The following DACT2 variants were observed in gnomAD, a reference collection of about 807,000 sequenced individuals.
DACT2 encodes dapper homolog 2.
In DACT2, 20 loss-of-function variants were observed where a neutral mutation model predicts 22.2. The ratio of observed to expected loss-of-function variants is 0.90; its 90% CI spans 0.63 to 1.31. The LOEUF (loss-of-function observed/expected upper bound fraction) is 1.31. Ranked by LOEUF, DACT2 falls within the 50% of genes most tolerant of loss-of-function variation. DACT2 has a pLI of 0.00. For synonymous variants in DACT2, 463 were observed against 479.8 expected (o/e 0.96, Z 0.46); for missense variants, 1,048 against 1,061.4 (o/e 0.99, Z 0.18).
intron 1 of DACT2, among the ~76,000 whole-genome samples, chr6:168,311,596 A>ACAC (rs776316251): frequency 0.17 from 21,649 of 129,882 alleles, 2,708 homozygotes; most frequent in East Asian, 0.54. Flanking sequence ...ACACACACAC[A>ACAC]TACACACACA....
intron 3 of DACT2, among the ~76,000 whole-genome samples, chr6:168,301,595 C>T (rs1471563378): frequency 6.6e-6 from 1 of 152,186 alleles, no homozygotes; most frequent in East Asian, 1.9e-4. Flanking sequence ...TCCCTGCTTC[C>T]ACTCGGGACC....
chr6:168,306,915 A>G lies in DACT2; in HGVS notation c.*517T>C, dbSNP rs1032603901. On this transcript the variant is annotated 3_prime_UTR_variant, in exon 4 of 4. Coordinates refer to ENST00000366795, the MANE Select transcript of DACT2 (RefSeq NM_214462.5). ...CAGGGAGGAAGAGGTTAAAAGAGGG[A>G]AAAAAAATGTTCCTTTTATTTGAGA... 3.7e-5 allele frequency: 37 copies of G among 989,612 alleles called. No individual in the cohort carries two copies. Among genetic ancestry groups the G allele is most frequent in the Admixed American group, 1.1e-4 (2 of 17,518 alleles). 61.3% of individuals were successfully genotyped at this position (989,612 alleles called of 1,614,324 possible).
chr6:168,295,599 G>T (rs1778994553), intron 3 of DACT2, among the ~76,000 whole-genome samples: 1 of 152,128 alleles, frequency 6.6e-6, no homozygotes, highest in Non-Finnish European at 1.5e-5. Context: ...ATTTACTGAG[G>T]TGCATAGAAT....
At chr6:168,295,224 T>C (rs2114891102) in intron 3 of DACT2, among the ~76,000 whole-genome samples, 1 of 152,370 alleles carries the variant, frequency 6.6e-6, no homozygotes, top group East Asian at 1.9e-4. Flanking sequence ...GGTAGCCCAC[T>C]TTTCCGCAGA....
exon 6 of DACT2, chr6:168,293,754 AC>A: frequency 1.0e-5 from 7 of 666,930 alleles, no homozygotes; most frequent in Admixed American, 2.1e-5. Context: ...CCACTGGCTC[AC>A]TGTGGGGAAA....
downstream of DACT2, among the ~76,000 whole-genome samples, chr6:168,305,787 C>T (rs1779193544): frequency 6.6e-6 from 1 of 152,186 alleles, no homozygotes; most frequent in Non-Finnish European, 1.5e-5. Context: ...TTTACAATAA[C>T]ACCCCCATCC....
intron 3 of DACT2, among the ~76,000 whole-genome samples, chr6:168,296,323 G>A (rs1427051154): frequency 1.3e-5 from 2 of 148,466 alleles, no homozygotes; most frequent in African/African-American, 5.0e-5. Flanking sequence ...CATCCACAGT[G>A]GTGAGAAGAT....
In DACT2 at chr6:168,310,429, C is replaced by G; in HGVS notation, c.397G>C (p.Asp133His). ...RPSSGFYEMS[D>H]GGSCSLSTSC... ...GTGGACAGGGAGCAGGATCCACCGT[C>G]GCTCATCTCGTAAAAGCCTGGACGG... is the stretch of plus-strand genomic sequence containing the variant. Residue 133 changes from aspartate (D) to histidine (H), a missense_variant, in exon 3 of 4, where the codon GAC becomes CAC. Coordinates refer to ENST00000366795, the MANE Select transcript of DACT2 (RefSeq NM_214462.5). 6.5e-7 allele frequency: 1 copy of G among 1,550,356 alleles called. No homozygotes were observed. The highest frequency in any genetic ancestry group is 1.2e-5 in the South Asian group (1 of 83,842).
At position 168,310,570 on chromosome 6, in the gene DACT2, G is replaced by T. The variant is rs1779371966; in HGVS notation, c.380-124C>A. The T allele has an allele frequency of 3.1e-6, 4 of 1,309,160 alleles. No homozygotes were observed. In the African/African-American group the frequency reaches 4.5e-5, roughly 15 times the overall value. 81.1% of individuals were successfully genotyped at this position (1,309,160 alleles called of 1,614,324 possible). Reference sequence around the variant, plus strand: ...AACCCCTGAGCTGAGGCTACCGGAGGCTGTGTGCCATCGTCCACACGGCCG... The same window carrying T: ...AACCCCTGAGCTGAGGCTACCGGAGTCTGTGTGCCATCGTCCACACGGCCG... On this transcript the variant is annotated intron_variant, in intron 2 of 3. Coordinates refer to ENST00000366795, the MANE Select transcript of DACT2 (RefSeq NM_214462.5).
intron 1 of DACT2, among the ~76,000 whole-genome samples, chr6:168,314,178 GT>G (rs765883863): frequency 5.3e-5 from 8 of 152,238 alleles, no homozygotes; most frequent in Non-Finnish European, 1.2e-4. Flanking sequence ...CTCCACGCAT[GT>G]CCATGATTGG....
rs566250292 is a variant in DACT2 at position 168,307,823 on chromosome 6, C to T, written c.1934G>A (p.Arg645Gln). ...VARRAGGPLARGRPSLVRQDA... is the reference protein window; with the variant it reads ...VARRAGGPLAQGRPSLVRQDA... ...CTGGCGGACCAGTGAGGGACGGCCCCGGGCCAGTGGGCCACCTGCTCTCCT... is the reference window on the plus strand; with the variant it reads ...CTGGCGGACCAGTGAGGGACGGCCCTGGGCCAGTGGGCCACCTGCTCTCCT... The change falls in exon 4 of 4, where the codon CGG becomes CAG. Residue 645 changes from arginine (R) to glutamine (Q), a missense_variant. Coordinates refer to ENST00000366795, the MANE Select transcript of DACT2 (RefSeq NM_214462.5). This position sits in a 1 kb window ranked among gnomAD's most constrained non-coding sequence, Gnocchi z 5.3. The T allele has an allele frequency of 2.3e-4, 349 of 1,538,962 alleles. No individual in the cohort carries two copies. The South Asian group carries it at 2.4e-3, about 10-fold the overall frequency.
In DACT2 at chr6:168,319,719, C is replaced by G; in HGVS notation, c.-86G>C. 8.5e-7 allele frequency: 1 copy of G among 1,183,288 alleles called. No homozygotes were observed. Among genetic ancestry groups the G allele is most frequent in the Admixed American group, 4.5e-5 (1 of 22,002 alleles). The allele number at this position is 1,183,288 out of a possible 1,614,324, so 73.3% of individuals were successfully genotyped here. A position where few individuals can be genotyped will look rare whatever the true frequency, so the allele number is the denominator to read the frequency against. ...CGGATCCCGAGCTGTGTCGCGGGTC[C>G]TCCTGCGCCTCCTCTCTCCGCCCCC... is the stretch of plus-strand genomic sequence containing the variant. On this transcript the variant is annotated 5_prime_UTR_variant, in exon 1 of 4. Coordinates refer to ENST00000366795, the MANE Select transcript of DACT2 (RefSeq NM_214462.5).
chr6:168,311,581 CA>C (rs1159620965), intron 1 of DACT2, among the ~76,000 whole-genome samples: 3 of 97,116 alleles, frequency 3.1e-5, no homozygotes, highest in African/African-American at 8.0e-5. Context: ...CACACACACC[CA>C]TCCACACACA....
rs1255378892 is a variant in DACT2 at position 168,308,878 on chromosome 6, C to G, written c.879G>C (p.Lys293Asn). 1.2e-5 allele frequency: 18 copies of G among 1,550,902 alleles called. No individual in the cohort carries two copies. The highest frequency in any genetic ancestry group is 1.6e-5 in the Non-Finnish European group (18 of 1,146,864). The change falls in exon 4 of 4, where the codon AAG (lysine) becomes AAC (asparagine). Residue 293 changes from lysine to asparagine, a missense_variant. Physicochemically the swap from Lys to Asn is moderately conservative, Grantham distance 94. Transcript: ENST00000366795. ...AGGGGCCACCTCTCTGTGGGGTTTC[C>G]TTAGTCAGGACAAACAGGGGGCTCT... ...ALQSPLFVLT[K>N]ETPQRGGPSF...
chr6:168,319,712 G>C lies in DACT2; in HGVS notation c.-79C>G. Reference sequence around the variant, plus strand: ...GCGCGCGCGGATCCCGAGCTGTGTCGCGGGTCCTCCTGCGCCTCCTCTCTC... The same window carrying C: ...GCGCGCGCGGATCCCGAGCTGTGTCCCGGGTCCTCCTGCGCCTCCTCTCTC... On this transcript the variant is annotated 5_prime_UTR_variant, in exon 1 of 4. Transcript: ENST00000366795. The C allele has an allele frequency of 3.4e-6, 4 of 1,185,808 alleles. No individual in the cohort carries two copies. Among genetic ancestry groups the C allele is most frequent in the Non-Finnish European group, 4.2e-6 (4 of 957,978 alleles). The allele number at this position is 1,185,808 out of a possible 1,614,324, so 73.5% of individuals were successfully genotyped here.
chr6:168,295,581 A>T (rs1162980056), intron 3 of DACT2, among the ~76,000 whole-genome samples: 1 of 152,232 alleles, frequency 6.6e-6, no homozygotes, highest in Non-Finnish European at 1.5e-5. Flanking sequence ...TAAGAAAAAA[A>T]TTTAAAAATT....
chr6:168,312,941 C>A (rs1489625020), intron 1 of DACT2, among the ~76,000 whole-genome samples: 2 of 152,218 alleles, frequency 1.3e-5, no homozygotes, highest in Non-Finnish European at 2.9e-5. Context: ...GGAGGCCAGG[C>A]TCGACCCAGC....
At chr6:168,294,563 G>A (rs1176128100) in intron 4 of DACT2, 4 of 327,700 alleles carry the variant, frequency 1.2e-5, no homozygotes, top group Non-Finnish European at 1.6e-5. Flanking sequence ...GTGTGTGTAT[G>A]TGTGTGTGTG....
chr6:168,315,480 C>T (rs966489352), intron 1 of DACT2, among the ~76,000 whole-genome samples: 4 of 152,278 alleles, frequency 2.6e-5, no homozygotes, highest in African/African-American at 4.8e-5. Context: ...TCGGAGGGCA[C>T]GGGGATCTCA....
Sources: allele counts gnomAD v4.1 joint callset (sites outside exome capture counted in the v4.1 genomes callset), GRCh38; gene constraint gnomAD v4.1.1; non-coding constraint Gnocchi (gnomAD v3.1); transcripts MANE v1.5; gene names NCBI Gene and HGNC (gene_info 2026-07-23, HGNC 2026-07-21).